Variants in SLC4A1 observed in about 807,000 individuals in gnomAD.
SLC4A1 encodes the protein band 3 anion transport protein.
A neutral mutation model predicts 93.1 loss-of-function variants in SLC4A1; 29 were observed. The ratio of observed to expected loss-of-function variants is 0.31; its 90% CI spans 0.23 to 0.42. The LOEUF is 0.42. SLC4A1 is among the 20% of genes least tolerant of loss of function. The probability of loss-of-function intolerance (pLI) is 1.00; values close to 1 mark genes in which losing one functional copy is unlikely to be tolerated. For missense variants in SLC4A1, 965 were observed against 1,190.1 expected (o/e 0.81, Z 2.78); for synonymous variants, 469 against 497.2 (o/e 0.94, Z 0.76).
rs141244582 is a variant in SLC4A1, at chr17:44,260,697, C to T, written c.287G>A (p.Arg96His). ...ENLGENGAWG[R>H]PHLSHLTFWS... ...GAAGGTGAGGTGAGAGAGGTGCGGGCGGCCCCAGGCCCCATTCTCCCCCAG... is the reference window on the plus strand; with the variant it reads ...GAAGGTGAGGTGAGAGAGGTGCGGGTGGCCCCAGGCCCCATTCTCCCCCAG... The change falls in exon 5 of 20, where the codon CGC becomes CAC. Residue 96 changes from arginine to histidine, a missense_variant. Physicochemically the swap from Arg to His is conservative, Grantham distance 29. This residue lies in a region of SLC4A1 where 195 missense variants were observed against 183.5 expected (regional missense o/e 1.06). Coordinates refer to ENST00000262418, the MANE Select transcript of SLC4A1 (RefSeq NM_000342.4). The T allele has an allele frequency of 4.8e-5, 78 of 1,614,152 alleles. No homozygotes were observed. Among genetic ancestry groups the T allele is most frequent in the Middle Eastern group, 1.6e-4 (1 of 6,062 alleles).
At chr17:44,253,852 A>G (rs2047364746) in intron 16 of SLC4A1, among the ~76,000 whole-genome samples, 1 of 149,670 alleles carries the variant, frequency 6.7e-6, no homozygotes, top group South Asian at 2.1e-4. Flanking sequence ...TTGTATTTTT[A>G]GTAGAAACGG....
chr17:44,250,493 G>C lies in SLC4A1; in HGVS notation c.2701C>G (p.Arg901Gly). The stretch of plus-strand genomic sequence containing the variant: ...ATGGCCACTTCGTCGTATTCATCCC[G>C]ACCTTCCTCCTCATCAAAGGTTGCC... ...AKATFDEEEG[R>G]DEYDEVAMPV is the part of the protein sequence containing the mutation. Residue 901 changes from arginine to glycine, a missense_variant, in exon 20 of 20, where the codon CGG becomes GGG. By Grantham distance (125) the Arg-to-Gly change is moderately radical. Transcript: ENST00000262418. 2 of 1,613,888 alleles carry C rather than the reference G, an allele frequency of 1.2e-6. No individual in the cohort carries two copies. The highest frequency in any genetic ancestry group is 1.7e-6 in the Non-Finnish European group (2 of 1,179,948).
chr17:44,260,678 G>A lies in SLC4A1; in HGVS notation c.306C>T (p.Leu102=). The A allele has an allele frequency of 6.2e-7, 1 of 1,614,188 alleles. No individual in the cohort carries two copies. Among genetic ancestry groups the A allele is most frequent in the Non-Finnish European group, 8.5e-7 (1 of 1,180,026 alleles). The change falls in exon 5 of 20, where the codon CTC becomes CTT. Residue 102 remains leucine, a synonymous_variant. Coordinates refer to ENST00000262418, the MANE Select transcript of SLC4A1 (RefSeq NM_000342.4). Reference sequence around the variant, plus strand: ...GCAGCTCTAGGAGGCTCCAGAAGGTGAGGTGAGAGAGGTGCGGGCGGCCCC... The same window carrying A: ...GCAGCTCTAGGAGGCTCCAGAAGGTAAGGTGAGAGAGGTGCGGGCGGCCCC... ...GAWGRPHLSH[L]TFWSLLELRR...
intron 15 of SLC4A1, 93 bp downstream of exon 15, chr17:44,255,114 T>G: frequency 1.0e-5 from 9 of 862,110 alleles, no homozygotes; most frequent in Non-Finnish European, 1.7e-5. Context: ...TGGCTTCAGG[T>G]TGGGGAAAGC....
intron 1 of SLC4A1, among the ~76,000 whole-genome samples, chr17:44,263,712 TCC>T (rs1567836955): frequency 0.21 from 1,104 of 5,378 alleles, 24 homozygotes; most frequent in African/African-American, 0.3. Flanking sequence ...CTTCCCTCCT[TCC>T]TTCCTTCCTT....
chr17:44,265,350 C>T (rs903941456), intron 1 of SLC4A1, among the ~76,000 whole-genome samples: 3 of 151,992 alleles, frequency 2.0e-5, no homozygotes, highest in African/African-American at 7.3e-5. Flanking sequence ...GGGTCACTGG[C>T]GCTAGCCTAA....
chr17:44,266,156 G>C (rs111681742), intron 1 of SLC4A1, among the ~76,000 whole-genome samples: 28 of 152,204 alleles, frequency 1.8e-4, no homozygotes, highest in African/African-American at 6.7e-4. Context: ...AGGGGTCCTG[G>C]ACCTGAGGAC....
At chr17:44,255,347 C>A in intron 14 of SLC4A1, 51 bp from the exon 15 acceptor site, 2 of 1,391,412 alleles carry the variant, frequency 1.4e-6, no homozygotes, top group Non-Finnish European at 2.0e-6. Context: ...CTCCCCACCT[C>A]CTGCCTTCCT....
chr17:44,260,868 G>T, intron 4 of SLC4A1, 53 bp from the exon 5 acceptor site: 2 of 1,592,326 alleles, frequency 1.3e-6, no homozygotes, highest in Non-Finnish European at 1.7e-6. Flanking sequence ...AGGGCATAGT[G>T]GGTGCTCAGC....
At chr17:44,262,964 C>T (rs2047460327) in intron 1 of SLC4A1, 30 bp from the exon 2 acceptor site, 1 of 1,594,424 alleles carries the variant, frequency 6.3e-7, no homozygotes, top group Admixed American at 1.7e-5. Context: ...CTGAGTGGGG[C>T]ACAGGGCATC....
intron 15 of SLC4A1, 147 bp downstream of exon 15, chr17:44,255,060 G>A: frequency 1.4e-6 from 1 of 694,882 alleles, no homozygotes; most frequent in East Asian, 2.7e-5. Flanking sequence ...AGAAGCACAT[G>A]GGACTCCCAG....
In SLC4A1 at chr17:44,259,613, C is replaced by T. The variant is rs45473992; in HGVS notation, c.610-32G>A. The stretch of plus-strand genomic sequence containing the variant: ...GAAGGAGGGTGGTGACGGGAGTCCT[C>T]GGGCCAGTCTGACCTGGGAGACCTG... On this transcript the variant is annotated intron_variant, in intron 7 of 19. Coordinates refer to ENST00000262418, the MANE Select transcript of SLC4A1 (RefSeq NM_000342.4). 0.04 allele frequency: 63,838 copies of T among 1,577,998 alleles called. 1,488 individuals carry two copies. The highest frequency in any genetic ancestry group is 0.045 in the Non-Finnish European group (51,665 of 1,147,334).
chr17:44,259,980 G>A (rs1367443960), intron 6 of SLC4A1, 48 bp from the exon 7 acceptor site: 1 of 1,609,222 alleles, frequency 6.2e-7, no homozygotes, highest in Non-Finnish European at 8.5e-7. Context: ...TTCAGGCTGA[G>A]CTATCAGTGG....
chr17:44,253,413 G>C (rs2047360774), intron 16 of SLC4A1, 42 bp from the exon 17 acceptor site: 1 of 1,587,504 alleles, frequency 6.3e-7, no homozygotes, highest in Admixed American at 1.7e-5. Flanking sequence ...GTTCTCCCCT[G>C]CCTCCTCCAC....
intron 15 of SLC4A1, 80 bp downstream of exon 15, chr17:44,255,127 T>G: frequency 1.0e-6 from 1 of 991,370 alleles, no homozygotes; most frequent in Non-Finnish European, 1.5e-6. Context: ...GGGAAAGCTA[T>G]TCTAGGGAAG....
rs1423994379 is a variant in SLC4A1, at chr17:44,249,877, G to A, written c.*581C>T. 7 of 157,828 alleles carry A rather than the reference G, an allele frequency of 4.4e-5. No homozygotes were observed. Among genetic ancestry groups the A allele is most frequent in the Admixed American group, 1.2e-4 (2 of 16,594 alleles). The allele number at this position is 157,828 out of a possible 1,614,324, so 9.8% of individuals were successfully genotyped here. ...GGCCTGGTTCAAATCCCAGCTGCACGGCTCAGTTCAAATCCCAGCTATGTG... is the reference window on the plus strand; with the variant it reads ...GGCCTGGTTCAAATCCCAGCTGCACAGCTCAGTTCAAATCCCAGCTATGTG... On this transcript the variant is annotated 3_prime_UTR_variant, in exon 20 of 20. Transcript: ENST00000262418.
In SLC4A1 at chr17:44,259,886, G is replaced by A. The variant is rs1345587310; in HGVS notation, c.532C>T (p.Leu178=). ...EALGGVKPAV[L]TRSGDPSQPL... ...TGTGAAGGATCCCCAGAGCGTGTCAGGACTGCAGGCTTCACACCCCCCAGG... is the reference window on the plus strand; with the variant it reads ...TGTGAAGGATCCCCAGAGCGTGTCAAGACTGCAGGCTTCACACCCCCCAGG... Residue 178 remains leucine, a synonymous_variant, in exon 7 of 20, where the codon CTG becomes TTG. Transcript: ENST00000262418. 2 of 1,613,912 alleles carry A rather than the reference G, an allele frequency of 1.2e-6. No homozygotes were observed. Among genetic ancestry groups the A allele is most frequent in the Non-Finnish European group, 1.7e-6 (2 of 1,180,014 alleles).
intron 3 of SLC4A1, 66 bp downstream of exon 3, chr17:44,262,570 G>A (rs2047455331): frequency 1.1e-5 from 13 of 1,195,596 alleles, no homozygotes; most frequent in Non-Finnish European, 1.6e-5. Flanking sequence ...GAGAGGACAA[G>A]TGCCCCTCCT....
At chr17:44,257,838 T>C (rs752720993) in intron 11 of SLC4A1, 31 bp from the exon 12 acceptor site, 1 of 1,612,752 alleles carries the variant, frequency 6.2e-7, no homozygotes, top group Admixed American at 1.7e-5. Context: ...GGGATCAAGG[T>C]CAGGAGATCA....
Sources: allele counts gnomAD v4.1 joint callset (sites outside exome capture counted in the v4.1 genomes callset), GRCh38; gene constraint gnomAD v4.1.1; regional missense constraint gnomAD v4.1.1; transcripts MANE v1.5; gene names NCBI Gene and HGNC (gene_info 2026-07-23, HGNC 2026-07-21).